Variants in ERBB4 observed in about 807,000 individuals in gnomAD.
ERBB4 encodes erb-b2 receptor tyrosine kinase 4.
Under a neutral mutation model 158.0 loss-of-function variants are expected in ERBB4, and 42 were observed. The observed-to-expected ratio is 0.27, with a 90% CI of 0.21 to 0.34. The LOEUF (loss-of-function observed/expected upper bound fraction) is 0.34. Ranked by LOEUF, ERBB4 falls within the 10% of genes least tolerant of loss-of-function variation. The pLI is 1.00. For missense variants in ERBB4, 1,333 were observed against 1,624.1 expected, an observed-to-expected ratio of 0.82 and a Z score of 3.08; for synonymous variants, 583 against 558.7, an observed-to-expected ratio of 1.04 and a Z score of -0.61.
intron 3 of ERBB4, among the ~76,000 whole-genome samples, chr2:211,935,892 G>C (rs2080309210): frequency 6.6e-6 from 1 of 151,954 alleles, no homozygotes; most frequent in Non-Finnish European, 1.5e-5. Flanking sequence ...TATTAATTAT[G>C]GTTGTTATTA....
At chr2:211,974,442 T>C (rs2125212056) in intron 2 of ERBB4, among the ~76,000 whole-genome samples, 1 of 152,278 alleles carries the variant, frequency 6.6e-6, no homozygotes, top group East Asian at 1.9e-4. Flanking sequence ...CTGAGCTCCT[T>C]CCTAAAACCC....
intron 1 of ERBB4, among the ~76,000 whole-genome samples, chr2:212,399,019 C>G (rs2091113053): frequency 6.6e-6 from 1 of 152,078 alleles, no homozygotes; most frequent in East Asian, 1.9e-4. Flanking sequence ...TCTTGGCTGA[C>G]TGCAACCTCT....
At chr2:211,874,295 C>A (rs2078436747) in intron 3 of ERBB4, among the ~76,000 whole-genome samples, 1 of 152,074 alleles carries the variant, frequency 6.6e-6, no homozygotes, top group African/African-American at 2.4e-5. Context: ...AATAAGAGAG[C>A]TCCTTTAATA....
At chr2:211,410,367 C>G (rs2063232725) in intron 25 of ERBB4, among the ~76,000 whole-genome samples, 2 of 152,186 alleles carry the variant, frequency 1.3e-5, no homozygotes, top group Non-Finnish European at 2.9e-5. Context: ...AATATTTCAC[C>G]TCTTTCACAT....
At chr2:212,279,907 AAG>A in intron 1 of ERBB4, among the ~76,000 whole-genome samples, 1 of 151,608 alleles carries the variant, frequency 6.6e-6, no homozygotes, top group Non-Finnish European at 1.5e-5. Context: ...TTAAGTGTGA[AAG>A]AGAAATGTAA....
chr2:212,249,399 T>C (rs28539084), intron 1 of ERBB4, among the ~76,000 whole-genome samples: 47,284 of 146,996 alleles, frequency 0.32, 8,571 homozygotes, highest in African/African-American at 0.43. Flanking sequence ...TAGTAAAAGA[T>C]ATTGTGACAA....
At chr2:212,282,193 ACCTG>A (rs2085784277) in intron 1 of ERBB4, among the ~76,000 whole-genome samples, 1 of 151,792 alleles carries the variant, frequency 6.6e-6, no homozygotes, top group Admixed American at 6.6e-5. Context: ...GAAAAGATTA[ACCTG>A]GCAGGCACCA....
At chr2:211,853,777 A>C (rs930718581) in intron 3 of ERBB4, among the ~76,000 whole-genome samples, 1 of 152,056 alleles carries the variant, frequency 6.6e-6, no homozygotes, top group Admixed American at 6.6e-5. Context: ...TATGATAGAC[A>C]ATAATCCAAT....
chr2:211,930,590 C>T (rs1224737877), intron 3 of ERBB4, among the ~76,000 whole-genome samples: 1 of 152,132 alleles, frequency 6.6e-6, no homozygotes, highest in Non-Finnish European at 1.5e-5. Context: ...TTTTAACACA[C>T]TGACAGAGAC....
intron 1 of ERBB4, among the ~76,000 whole-genome samples, chr2:212,224,505 A>T (rs2083408721): frequency 6.6e-6 from 1 of 152,034 alleles, no homozygotes; most frequent in Non-Finnish European, 1.5e-5. Context: ...CTGAGCAAAA[A>T]AGGGAAAGGG....
At chr2:211,652,579 T>C (rs2105886358) in intron 16 of ERBB4, among the ~76,000 whole-genome samples, 1 of 152,336 alleles carries the variant, frequency 6.6e-6, no homozygotes, top group South Asian at 2.1e-4. Context: ...TGGGTCACAC[T>C]GCTAAAGGAT....
chr2:211,979,763 T>C (rs766427428), intron 2 of ERBB4, among the ~76,000 whole-genome samples: 1 of 152,156 alleles, frequency 6.6e-6, no homozygotes, highest in Non-Finnish European at 1.5e-5. Flanking sequence ...CATGAACACA[T>C]GCTCCATAAA....
intron 2 of ERBB4, among the ~76,000 whole-genome samples, chr2:211,953,499 A>ATGC (rs1285926103): frequency 1.3e-5 from 2 of 151,152 alleles, no homozygotes; most frequent in Non-Finnish European, 1.5e-5. Context: ...AAGAAGAAGA[A>ATGC]TGCCCTAGCA....
intron 1 of ERBB4, among the ~76,000 whole-genome samples, chr2:212,241,423 G>A (rs2084102538): frequency 6.6e-6 from 1 of 151,930 alleles, no homozygotes; most frequent in Non-Finnish European, 1.5e-5. Flanking sequence ...ATATGAAACA[G>A]GTCCAAGATT....
At chr2:212,442,174 A>T (rs1379626538) in intron 1 of ERBB4, among the ~76,000 whole-genome samples, 1 of 152,156 alleles carries the variant, frequency 6.6e-6, no homozygotes. Context: ...CTAGAAGTGA[A>T]ATTGATAGGA....
intron 3 of ERBB4, among the ~76,000 whole-genome samples, chr2:211,879,599 C>T (rs1340897574): frequency 2.4e-4 from 37 of 152,060 alleles, no homozygotes; most frequent in Non-Finnish European, 5.9e-5. Flanking sequence ...AGGATCTGTA[C>T]CCAAGATTAA....
intron 2 of ERBB4, among the ~76,000 whole-genome samples, chr2:212,075,165 C>G (rs1039215184): frequency 6.6e-6 from 1 of 151,776 alleles, no homozygotes; most frequent in Non-Finnish European, 1.5e-5. Context: ...GTGTTATACT[C>G]TAGAAAATTC....
At chr2:212,361,055 T>G (rs1397637482) in intron 1 of ERBB4, among the ~76,000 whole-genome samples, 1 of 151,046 alleles carries the variant, frequency 6.6e-6, no homozygotes, top group Non-Finnish European at 1.5e-5. Context: ...TGACCAAAAG[T>G]TTTTTTTTAT....
At chr2:212,065,393 T>C (rs72937763) in intron 2 of ERBB4, among the ~76,000 whole-genome samples, 7,120 of 152,062 alleles carry the variant, frequency 0.047, 218 homozygotes, top group South Asian at 0.1. Flanking sequence ...GTGGCTCAAC[T>C]CAATAGAAAT....
Sources: allele counts gnomAD v4.1 joint callset (sites outside exome capture counted in the v4.1 genomes callset), GRCh38; gene constraint gnomAD v4.1.1; transcripts MANE v1.5; gene names NCBI Gene and HGNC (gene_info 2026-07-23, HGNC 2026-07-21).